TRAPPC8: variants seen among roughly 807,000 people sequenced by gnomAD.
The protein encoded by TRAPPC8 is general sporulation gene 1 homolog.
In TRAPPC8, 54 loss-of-function variants were observed where a neutral mutation model predicts 174.3. The ratio of observed to expected loss-of-function variants is 0.31; its 90% CI spans 0.25 to 0.39. TRAPPC8 has a LOEUF of 0.39. Among genes scored for constraint, TRAPPC8 ranks in the 10% least tolerant of loss-of-function variants. The pLI, the probability that TRAPPC8 is intolerant of heterozygous loss-of-function variation, is 1.00. For missense variants in TRAPPC8, 1,531 were observed against 1,699.1 expected (o/e 0.90, Z 1.74); for synonymous variants, 630 against 579.9 (o/e 1.09, Z -1.24).
Position 31,874,501 on chromosome 18 carries a change from T to C in TRAPPC8, c.1932A>G (p.Arg644=). ...TCACCTTGTAAACATAAAGATATTC[T>C]CTGAGGAAAGCCCCCTGTTGAGCAG... ...QSAAQQGAFL[R]EYLYVYKNVS... Residue 644 remains arginine (R), a synonymous_variant, in exon 13 of 29, where the codon AGA becomes AGG. Transcript: ENST00000283351. The C allele has an allele frequency of 6.2e-7, 1 of 1,614,062 alleles. No homozygotes were observed. The highest frequency in any genetic ancestry group is 8.5e-7 in the Non-Finnish European group (1 of 1,179,976).
rs972361575 is a variant in TRAPPC8, at chr18:31,830,238, C to T, written c.*517G>A. On this transcript the variant is annotated 3_prime_UTR_variant, in exon 29 of 29. Coordinates refer to ENST00000283351, the MANE Select transcript of TRAPPC8 (RefSeq NM_014939.5). ...CAAAGTTATGTATAAGTCATAGGGA[C>T]CACCAAATACTGAAATATGAAGACT... 2 of 152,456 alleles carry T rather than the reference C, an allele frequency of 1.3e-5. No individual in the cohort carries two copies. Among genetic ancestry groups the T allele is most frequent in the African/African-American group, 4.8e-5 (2 of 41,354 alleles). 9.4% of individuals were successfully genotyped at this position (152,456 alleles called of 1,614,324 possible).
At chr18:31,862,258 T>C (rs1329427522) in intron 19 of TRAPPC8, among the ~76,000 whole-genome samples, 1 of 151,796 alleles carries the variant, frequency 6.6e-6, no homozygotes, top group Admixed American at 6.6e-5. Flanking sequence ...TGTGGGAACT[T>C]GCAAAGCCTG....
chr18:31,846,850 G>A (rs567517753), intron 25 of TRAPPC8, 33 bp from the exon 26 acceptor site: 1 of 1,520,830 alleles, frequency 6.6e-7, no homozygotes, highest in South Asian at 1.1e-5. Flanking sequence ...ACGTTACCGT[G>A]CTTGACAGTA....
At position 31,848,242 on chromosome 18, in the gene TRAPPC8, C is replaced by T. The variant is rs190282223; in HGVS notation, c.3735+1324G>A. On this transcript the variant is annotated intron_variant, in intron 25 of 28. Coordinates refer to ENST00000283351, the MANE Select transcript of TRAPPC8 (RefSeq NM_014939.5). ...GAGCATCACAATCTTAGATAACTTT[C>T]TTCTTTATGTGATTAGTGATACCAG... Among the ~76,000 whole-genome samples the T allele has an allele frequency of 1.6e-4, 24 of 152,256 alleles. No individual in the cohort carries two copies. In the East Asian group the frequency reaches 3.3e-3, roughly 21 times the overall value.
In TRAPPC8 at chr18:31,918,241, AAAAAT is replaced by A. The variant is rs1398438023; in HGVS notation, c.353-579_353-575del. 2.1e-3 allele frequency among the ~76,000 whole-genome samples: 326 copies of A among 152,292 alleles called. 1 individual carries two copies. Among genetic ancestry groups the A allele is most frequent in the African/African-American group, 7.1e-3 (293 of 41,550 alleles). On this transcript the variant is annotated intron_variant, in intron 2 of 28. Coordinates refer to ENST00000283351, the MANE Select transcript of TRAPPC8 (RefSeq NM_014939.5). ...TATATTCATGAGTATATATATTTGC[AAAAAT>A]AAAATTGAATTATTCCCAAACCTAG...
chr18:31,916,347 T>C lies in TRAPPC8; in HGVS notation c.542A>G (p.Tyr181Cys). The C allele has an allele frequency of 6.2e-7, 1 of 1,613,848 alleles. No individual in the cohort carries two copies. Among genetic ancestry groups the C allele is most frequent in the Non-Finnish European group, 8.5e-7 (1 of 1,179,892 alleles). Residue 181 changes from tyrosine (Y) to cysteine (C), a missense_variant, in exon 4 of 29, where the codon TAC becomes TGC. Coordinates refer to ENST00000283351, the MANE Select transcript of TRAPPC8 (RefSeq NM_014939.5). The stretch of plus-strand genomic sequence containing the variant: ...TGTATTTGGTATAAACCACTTGGGG[T>C]AGGAATAATCACTGTTGTGCTGAAT... ...HRIQHNSDYS[Y>C]PKWFIPNTLK...
chr18:31,880,711 A>G (rs971458515), intron 12 of TRAPPC8, among the ~76,000 whole-genome samples: 1 of 152,128 alleles, frequency 6.6e-6, no homozygotes, highest in Non-Finnish European at 1.5e-5. Context: ...AGGAAGTGAA[A>G]TGATCTTTGT....
rs117389786 is a variant in TRAPPC8 at position 31,864,517 on chromosome 18, A to G, written c.2745+110T>C. 8.2e-3 allele frequency: 8,188 copies of G among 1,000,440 alleles called. 44 individuals are homozygous for G. The highest frequency in any genetic ancestry group is 0.012 in the South Asian group (662 of 54,770). The allele number at this position is 1,000,440 out of a possible 1,614,324, so 62.0% of individuals were successfully genotyped here. A position where few individuals can be genotyped will look rare whatever the true frequency, so the allele number is the denominator to read the frequency against. On this transcript the variant is annotated intron_variant, in intron 19 of 28. Coordinates refer to ENST00000283351, the MANE Select transcript of TRAPPC8 (RefSeq NM_014939.5). Reference sequence around the variant, plus strand: ...TTAACACTAGCTTAATAATAATTTAAAAGTATAGTTCAATGTAATATCAAA... The same window carrying G: ...TTAACACTAGCTTAATAATAATTTAGAAGTATAGTTCAATGTAATATCAAA...
intron 27 of TRAPPC8, among the ~76,000 whole-genome samples, chr18:31,836,906 T>C (rs914144266): frequency 7.9e-5 from 12 of 151,748 alleles, no homozygotes; most frequent in East Asian, 5.9e-4. Context: ...GGACTACAGG[T>C]GCCCGCCACC....
intron 25 of TRAPPC8, among the ~76,000 whole-genome samples, chr18:31,847,618 G>A (rs2033477973): frequency 6.6e-6 from 1 of 152,202 alleles, no homozygotes; most frequent in Non-Finnish European, 1.5e-5. Context: ...CAAACTTTGA[G>A]TAGTGCTGCA....
chr18:31,901,846 G>C (rs1462002584), intron 9 of TRAPPC8, among the ~76,000 whole-genome samples: 1 of 152,212 alleles, frequency 6.6e-6, no homozygotes, highest in Admixed American at 6.5e-5. Context: ...GTGAGTGGGT[G>C]CACGTATATA....
At position 31,857,878 on chromosome 18, in the gene TRAPPC8, A is replaced by C; in HGVS notation, c.2850T>G (p.Val950=). The C allele has an allele frequency of 6.2e-7, 1 of 1,614,224 alleles. No individual in the cohort carries two copies. The highest frequency in any genetic ancestry group is 8.5e-7 in the Non-Finnish European group (1 of 1,180,034). Residue 950 remains valine (V), a synonymous_variant, in exon 20 of 29, where the codon GTT becomes GTG. Transcript: ENST00000283351. ...VSKCPLTGLK[V]VSKRPEFFTF... ...TAAAGAACTCTGGACGTTTAGAAAC[A>C]ACCTTCAATCCAGTAAGTGGACATT...
chr18:31,884,689 T>A (rs1401592845), intron 12 of TRAPPC8, among the ~76,000 whole-genome samples: 1 of 152,062 alleles, frequency 6.6e-6, no homozygotes, highest in Admixed American at 6.5e-5. Context: ...TTGTCAGAAT[T>A]GTCTTTGAGG....
In TRAPPC8 at chr18:31,942,879, C is replaced by A; in HGVS notation, c.-115G>T. 8.0e-7 allele frequency: 1 copy of A among 1,253,634 alleles called. No individual in the cohort carries two copies. The highest frequency in any genetic ancestry group is 1.0e-6 in the Non-Finnish European group (1 of 999,180). The allele number at this position is 1,253,634 out of a possible 1,614,324, so 77.7% of individuals were successfully genotyped here. A position where few individuals can be genotyped will look rare whatever the true frequency, so the allele number is the denominator to read the frequency against. On this transcript the variant is annotated 5_prime_UTR_variant, in exon 1 of 29. Coordinates refer to ENST00000283351, the MANE Select transcript of TRAPPC8 (RefSeq NM_014939.5). ...GGCCTGGCCCGGCCGGGCGGGGCCCCGAACGCACTGGAGCCTAGAAACAAG... is the reference window on the plus strand; with the variant it reads ...GGCCTGGCCCGGCCGGGCGGGGCCCAGAACGCACTGGAGCCTAGAAACAAG...
intron 1 of TRAPPC8, among the ~76,000 whole-genome samples, chr18:31,935,523 G>T (rs1410455505): frequency 9.2e-6 from 1 of 108,434 alleles, no homozygotes; most frequent in East Asian, 2.7e-4. Context: ...ACTCCAGCCT[G>T]GGCAACAAGA....
intron 2 of TRAPPC8, among the ~76,000 whole-genome samples, chr18:31,920,958 A>T (rs2037362040): frequency 6.6e-6 from 1 of 150,554 alleles, no homozygotes; most frequent in African/African-American, 2.5e-5. Context: ...AAAAAAAAAA[A>T]AAAAAAAAAA....
chr18:31,902,686 G>A (rs1244222488), intron 9 of TRAPPC8, among the ~76,000 whole-genome samples: 1 of 152,148 alleles, frequency 6.6e-6, no homozygotes, highest in Non-Finnish European at 1.5e-5. Flanking sequence ...TGGAGATGGG[G>A]GAGTCAGTCT....
intron 27 of TRAPPC8, among the ~76,000 whole-genome samples, chr18:31,836,553 T>C (rs1568028154): frequency 6.6e-6 from 1 of 152,072 alleles, no homozygotes; most frequent in African/African-American, 2.4e-5. Context: ...AAGTAGAAGA[T>C]TGGGTTAAAA....
intron 10 of TRAPPC8, 69 bp downstream of exon 10, chr18:31,900,856 G>GAA: frequency 4.2e-6 from 5 of 1,180,716 alleles, no homozygotes; most frequent in Admixed American, 2.6e-5. Context: ...TTAGGAATGG[G>GAA]GAAAAAAAAA....
Sources: gnomAD v4.1 joint callset for allele counts (sites outside exome capture counted in the v4.1 genomes callset) on GRCh38, gnomAD v4.1.1 for gene constraint, MANE v1.5 for transcripts, NCBI Gene and HGNC (gene_info 2026-07-23, HGNC 2026-07-21) for gene names.